Variants in PLCH1 observed in about 807,000 individuals in gnomAD.
PLCH1 encodes the protein 1-phosphatidylinositol 4,5-bisphosphate phosphodiesterase eta-1.
In PLCH1, 60 loss-of-function variants were observed where a neutral mutation model predicts 126.7. That is an observed-to-expected ratio of 0.47 (90% CI 0.38 to 0.59). PLCH1 has a LOEUF of 0.59. PLCH1 is among the 20% of genes least tolerant of loss of function. The pLI is 0.00. For missense variants in PLCH1, 1,723 were observed against 2,040.0 expected, an observed-to-expected ratio of 0.84 and a Z score of 2.99; for synonymous variants, 719 against 734.9, an observed-to-expected ratio of 0.98 and a Z score of 0.35.
At chr3:155,724,359 T>C (rs1447954808) in intron 1 of PLCH1, among the ~76,000 whole-genome samples, 2 of 152,234 alleles carry the variant, frequency 1.3e-5, no homozygotes, top group Non-Finnish European at 2.9e-5. Context: ...TCCATTATTA[T>C]TGTGTTGCCA....
rs1716442976 is a variant in PLCH1 at position 155,492,844 on chromosome 3, T to C, written c.2192A>G (p.Asn731Ser). The stretch of plus-strand genomic sequence containing the variant: ...AGGAAGAGGGTCACCAGAGAAAGGG[T>C]TGAAAGTACCTAGGCCAAGTAAAGT... Reference protein sequence around the residue: ...KPQQMCKGTFNPFSGDPLPAN... With the variant: ...KPQQMCKGTFSPFSGDPLPAN... The change falls in exon 18 of 23, where the codon AAC becomes AGC. Residue 731 changes from asparagine to serine, a missense_variant. Asn to Ser is a conservative substitution (Grantham distance 46). Transcript: ENST00000460012. The C allele has an allele frequency of 1.3e-6, 2 of 1,598,950 alleles. No homozygotes were observed. The highest frequency in any genetic ancestry group is 1.7e-6 in the Non-Finnish European group (2 of 1,173,868).
chr3:155,713,532 C>T (rs1331924536), intron 1 of PLCH1, among the ~76,000 whole-genome samples: 2 of 152,122 alleles, frequency 1.3e-5, no homozygotes, highest in Non-Finnish European at 2.9e-5. Context: ...TTGCTAACAG[C>T]ATTTGGAGAA....
At chr3:155,593,889 C>T (rs770078062) in intron 4 of PLCH1, 52 bp downstream of exon 4, 1 of 1,572,848 alleles carries the variant, frequency 6.4e-7, no homozygotes, top group Middle Eastern at 1.8e-4. Context: ...AATGCACACA[C>T]GCATACACAG....
chr3:155,683,887 G>A (rs1461570355), intron 2 of PLCH1, among the ~76,000 whole-genome samples: 1 of 152,162 alleles, frequency 6.6e-6, no homozygotes, highest in Admixed American at 6.5e-5. Context: ...CCTTCCTTGG[G>A]AGGTGGAGCT....
intron 1 of PLCH1, among the ~76,000 whole-genome samples, chr3:155,743,881 G>C (rs373923136): frequency 6.6e-6 from 1 of 152,142 alleles, no homozygotes; most frequent in Non-Finnish European, 1.5e-5. Flanking sequence ...TTACCAGGAA[G>C]TAAATGTTTT....
chr3:155,616,488 G>C (rs796157066), intron 2 of PLCH1, among the ~76,000 whole-genome samples: 45 of 152,282 alleles, frequency 3.0e-4, no homozygotes, highest in African/African-American at 1.0e-3. Flanking sequence ...TTGGAGCATT[G>C]ATCTGCTCTT....
intron 10 of PLCH1, among the ~76,000 whole-genome samples, chr3:155,538,975 C>T (rs541719441): frequency 6.6e-5 from 10 of 151,540 alleles, no homozygotes; most frequent in East Asian, 5.8e-4. Context: ...AGACCAATAT[C>T]GCTAATGAAC....
intron 2 of PLCH1, among the ~76,000 whole-genome samples, chr3:155,668,571 G>A (rs1445572780): frequency 6.6e-6 from 1 of 152,138 alleles, no homozygotes; most frequent in African/African-American, 2.4e-5. Context: ...AAATAGGAGA[G>A]GGTGAGGGTT....
At chr3:155,647,489 G>A (rs1455915036) in intron 2 of PLCH1, among the ~76,000 whole-genome samples, 1 of 151,786 alleles carries the variant, frequency 6.6e-6, no homozygotes, top group Non-Finnish European at 1.5e-5. Flanking sequence ...ACAGGAAATT[G>A]CATTTTCTTT....
chr3:155,631,266 AT>A (rs1272603857), intron 2 of PLCH1, among the ~76,000 whole-genome samples: 21 of 152,158 alleles, frequency 1.4e-4, no homozygotes, highest in African/African-American at 4.3e-4. Flanking sequence ...ACTCTTGCAT[AT>A]TACTGATTAT....
At chr3:155,585,671 C>A (rs570215675) in intron 5 of PLCH1, among the ~76,000 whole-genome samples, 1 of 152,262 alleles carries the variant, frequency 6.6e-6, no homozygotes, top group South Asian at 2.1e-4. Flanking sequence ...CTGAACTCCT[C>A]AGAAACAAAA....
At chr3:155,488,831 T>C (rs777631492) in intron 19 of PLCH1, 25 bp from the exon 20 acceptor site, 102 of 1,590,892 alleles carry the variant, frequency 6.4e-5, no homozygotes, top group Non-Finnish European at 7.8e-5. Context: ...AAAAGAAAAA[T>C]CAGAAAAGCA....
intron 21 of PLCH1, among the ~76,000 whole-genome samples, chr3:155,461,287 C>G (rs1000489817): frequency 3.9e-5 from 6 of 151,900 alleles, no homozygotes; most frequent in African/African-American, 1.2e-4. Context: ...GATTAAGGGG[C>G]CTGCAACACC....
At chr3:155,501,655 C>T (rs1212443574) in intron 13 of PLCH1, among the ~76,000 whole-genome samples, 2 of 151,912 alleles carry the variant, frequency 1.3e-5, no homozygotes, top group Non-Finnish European at 1.5e-5. Context: ...ATTAGCTGGG[C>T]GTGGTGGCAG....
chr3:155,543,776 T>C (rs1228758781), intron 10 of PLCH1, among the ~76,000 whole-genome samples: 1 of 150,620 alleles, frequency 6.6e-6, no homozygotes, highest in Admixed American at 6.6e-5. Flanking sequence ...GAATTTCATA[T>C]CCAGCCAAAC....
intron 12 of PLCH1, among the ~76,000 whole-genome samples, chr3:155,504,983 G>C (rs1287695657): frequency 6.6e-6 from 1 of 152,198 alleles, no homozygotes; most frequent in South Asian, 2.1e-4. Context: ...TAAATGTTCT[G>C]AGTGGGGTTA....
At position 155,565,020 on chromosome 3, in the gene PLCH1, T is replaced by C. The variant is rs375430287; in HGVS notation, c.964A>G (p.Ile322Val). ...AGGTATGTATTGTGAGAGGAAGCAATGTAGTAGTTGCAGAGGGGCTGATCC... is the reference window on the plus strand; with the variant it reads ...AGGTATGTATTGTGAGAGGAAGCAACGTAGTAGTTGCAGAGGGGCTGATCC... Reference protein sequence around the residue: ...DMDQPLCNYYIASSHNTYLTG... With the variant: ...DMDQPLCNYYVASSHNTYLTG... Residue 322 changes from isoleucine to valine, a missense_variant, in exon 8 of 23, where the codon ATT becomes GTT. Physicochemically the swap from Ile to Val is conservative, Grantham distance 29. This residue lies in a region of PLCH1 where 776 missense variants were observed against 1,062.9 expected (regional missense o/e 0.73). Coordinates refer to ENST00000460012, the MANE Select transcript of PLCH1 (RefSeq NM_014996.4). 3.7e-5 allele frequency: 60 copies of C among 1,612,946 alleles called. No homozygotes were observed. Among genetic ancestry groups the C allele is most frequent in the Non-Finnish European group, 4.2e-5 (50 of 1,178,956 alleles).
chr3:155,469,593 C>G (rs559512988), intron 21 of PLCH1, among the ~76,000 whole-genome samples: 23 of 152,352 alleles, frequency 1.5e-4, no homozygotes, highest in African/African-American at 5.1e-4. Flanking sequence ...GGAGGCCTGC[C>G]TGCATCTGTA....
intron 1 of PLCH1, among the ~76,000 whole-genome samples, chr3:155,715,080 T>G (rs1747408633): frequency 6.6e-6 from 1 of 152,206 alleles, no homozygotes; most frequent in South Asian, 2.1e-4. Flanking sequence ...TGTCTAGATA[T>G]TTATTCATTT....
Sources: gnomAD v4.1 joint callset for allele counts (sites outside exome capture counted in the v4.1 genomes callset) on GRCh38, gnomAD v4.1.1 for gene constraint, gnomAD v4.1.1 regional missense constraint, MANE v1.5 for transcripts, NCBI Gene and HGNC (gene_info 2026-07-23, HGNC 2026-07-21) for gene names.